Variants in AACS observed in about 807,000 individuals in gnomAD.
The protein encoded by AACS is acetoacetyl-CoA synthetase, also known as acetoacetate-CoA ligase.
AACS carries 69 observed loss-of-function variants against 83.1 expected under a neutral mutation model. That is an observed-to-expected ratio of 0.83 (90% CI 0.68 to 1.01). AACS has a LOEUF of 1.01. Among genes scored for constraint, AACS ranks in the 50% least tolerant of loss-of-function variants. The probability of loss-of-function intolerance (pLI) is 0.00; values close to 1 mark genes in which losing one functional copy is unlikely to be tolerated. For missense variants in AACS, 866 were observed against 882.2 expected (o/e 0.98, Z 0.23); for synonymous variants, 333 against 343.4 (o/e 0.97, Z 0.33).
chr12:125,082,073 C>T (rs1445392505), intron 3 of AACS, among the ~76,000 whole-genome samples: 2 of 151,714 alleles, frequency 1.3e-5, no homozygotes, highest in Non-Finnish European at 2.9e-5. Flanking sequence ...AGGGGTTCCA[C>T]CATTTTGGCC....
chr12:125,082,943 A>G (rs1214617366), intron 3 of AACS, among the ~76,000 whole-genome samples: 1 of 152,258 alleles, frequency 6.6e-6, no homozygotes, highest in Non-Finnish European at 1.5e-5. Context: ...TAACTTCTAT[A>G]CTGTAGAAAT....
At chr12:125,074,975 G>GTTTT (rs34831405) in intron 2 of AACS, among the ~76,000 whole-genome samples, 4 of 113,516 alleles carry the variant, frequency 3.5e-5, no homozygotes, top group Non-Finnish European at 1.8e-5. Context: ...CATTGTCATA[G>GTTTT]TTTTTTTTTT....
At chr12:125,071,720 T>C (rs1228140367) in intron 1 of AACS, among the ~76,000 whole-genome samples, 1 of 152,126 alleles carries the variant, frequency 6.6e-6, no homozygotes, top group Non-Finnish European at 1.5e-5. Flanking sequence ...CCACCTGAAG[T>C]CGGCCGCTTT....
intron 3 of AACS, among the ~76,000 whole-genome samples, chr12:125,078,746 G>A (rs567936923): frequency 4.7e-5 from 7 of 150,050 alleles, no homozygotes; most frequent in East Asian, 2.0e-4. Context: ...GCTTGAACCC[G>A]GGAGGTGGAG....
rs1158997655 is a variant in AACS, at chr12:125,129,940, C to A, written c.1549+480C>A. Among the ~76,000 whole-genome samples the A allele has an allele frequency of 6.6e-6, 1 of 151,876 alleles. No homozygotes were observed. Among genetic ancestry groups the A allele is most frequent in the South Asian group, 2.1e-4 (1 of 4,818 alleles). ...CGGTGGAAGCATTTACAACCCGACA[C>A]GTCACTCTCACATAGACTGACACCC... On this transcript the variant is annotated intron_variant, in intron 14 of 17. Coordinates refer to ENST00000316519, the MANE Select transcript of AACS (RefSeq NM_023928.5). The surrounding 1 kb of genome is among the most constrained non-coding windows in gnomAD (Gnocchi z 4.3).
intron 1 of AACS, among the ~76,000 whole-genome samples, chr12:125,066,450 ATTTTTTT>A (rs34299644): frequency 2.8e-5 from 3 of 106,922 alleles, no homozygotes; most frequent in African/African-American, 1.1e-4. Flanking sequence ...TTCCTAGGGG[ATTTTTTT>A]TTTTTTTTTT....
intron 17 of AACS, chr12:125,138,725 T>C (rs1304192677): frequency 1.3e-5 from 2 of 152,126 alleles, no homozygotes; most frequent in Non-Finnish European, 2.9e-5. Context: ...CCAGATAAGG[T>C]CTCCTCCTGG....
chr12:125,134,403 G>A (rs1957370900), intron 15 of AACS, among the ~76,000 whole-genome samples: 1 of 152,182 alleles, frequency 6.6e-6, no homozygotes, highest in South Asian at 2.1e-4. Flanking sequence ...CATTCCTGGG[G>A]TGGCGCATCC....
Position 125,134,449 on chromosome 12 carries a change from C to T in AACS, c.1620-345C>T, listed in dbSNP as rs369228579. Among the ~76,000 whole-genome samples, 60 of 152,134 alleles carry T rather than the reference C, an allele frequency of 3.9e-4. 1 individual carries two copies. Among genetic ancestry groups the T allele is most frequent in the African/African-American group, 1.3e-3 (53 of 41,422 alleles). On this transcript the variant is annotated intron_variant, in intron 15 of 17. Coordinates refer to ENST00000316519, the MANE Select transcript of AACS (RefSeq NM_023928.5). ...TTCCTTCCCGAGGGATGGGTCTGGG[C>T]GTGATCCAAGTCTCCCTGCCCTGTG... is the stretch of plus-strand genomic sequence containing the variant.
At position 125,134,779 on chromosome 12, in the gene AACS, C is replaced by A; in HGVS notation, c.1620-15C>A. 1.2e-6 allele frequency: 2 copies of A among 1,614,150 alleles called. No individual in the cohort carries two copies. The highest frequency in any genetic ancestry group is 1.7e-6 in the Non-Finnish European group (2 of 1,180,020). On this transcript the variant is annotated splice_polypyrimidine_tract_variant and intron_variant, in intron 15 of 17. Transcript: ENST00000316519. ...CAGAGCTGCGGTGTGGCCCTGACCT[C>A]TTCTCTCTTTCCAGTGACGGCACCC...
At chr12:125,072,798 ATGG>A (rs1215853449) in intron 1 of AACS, among the ~76,000 whole-genome samples, 2 of 151,460 alleles carry the variant, frequency 1.3e-5, no homozygotes, top group African/African-American at 4.8e-5. Flanking sequence ...TCATGTCTTG[ATGG>A]TGGGGAAAAG....
Position 125,142,340 on chromosome 12 carries a change from G to A in AACS, c.*111G>A. On this transcript the variant is annotated 3_prime_UTR_variant, in exon 18 of 18. Transcript: ENST00000316519. Reference sequence around the variant, plus strand: ...TGTTGTAAAAGGATGCTCGCACCAAGTGTTCTGTAGGCTTGGGGAGGGATC... The same window carrying A: ...TGTTGTAAAAGGATGCTCGCACCAAATGTTCTGTAGGCTTGGGGAGGGATC... The A allele has an allele frequency of 6.9e-7, 1 of 1,440,818 alleles. No homozygotes were observed. The highest frequency in any genetic ancestry group is 9.4e-7 in the Non-Finnish European group (1 of 1,066,422). The allele number at this position is 1,440,818 out of a possible 1,614,324, so 89.3% of individuals were successfully genotyped here. A position where few individuals can be genotyped will look rare whatever the true frequency, so the allele number is the denominator to read the frequency against.
intron 7 of AACS, 31 bp downstream of exon 7, chr12:125,103,112 G>C: frequency 6.3e-7 from 1 of 1,584,124 alleles, no homozygotes; most frequent in Admixed American, 1.8e-5. Context: ...CCACAGGTCC[G>C]TGTGGACCCA....
chr12:125,091,341 C>G, intron 4 of AACS, 85 bp from the exon 5 acceptor site: 2 of 1,381,918 alleles, frequency 1.4e-6, no homozygotes, highest in South Asian at 1.2e-5. Context: ...CCCACTCTGA[C>G]CTTGGCTCTC....
chr12:125,136,515 T>C, intron 16 of AACS, 147 bp from the exon 17 acceptor site: 2 of 629,180 alleles, frequency 3.2e-6, no homozygotes, highest in Non-Finnish European at 5.5e-6. Context: ...CCAAGGCCCT[T>C]CTCCTGGGTG....
At chr12:125,082,940 T>C (rs1956231485) in intron 3 of AACS, among the ~76,000 whole-genome samples, 1 of 152,252 alleles carries the variant, frequency 6.6e-6, no homozygotes, top group African/African-American at 2.4e-5. Flanking sequence ...GAGTAACTTC[T>C]ATACTGTAGA....
At chr12:125,081,759 G>T (rs1956192147) in intron 3 of AACS, among the ~76,000 whole-genome samples, 1 of 152,054 alleles carries the variant, frequency 6.6e-6, no homozygotes, top group Non-Finnish European at 1.5e-5. Context: ...ATTTTCACAT[G>T]ATGGAAAGTT....
chr12:125,104,827 A>C (rs955437744), intron 7 of AACS, among the ~76,000 whole-genome samples: 32 of 152,206 alleles, frequency 2.1e-4, no homozygotes, highest in Non-Finnish European at 3.8e-4. Context: ...GCTATAAAGA[A>C]ATACCTGAGA....
At chr12:125,119,030 A>G (rs550029073) in intron 10 of AACS, among the ~76,000 whole-genome samples, 2 of 152,228 alleles carry the variant, frequency 1.3e-5, no homozygotes, top group African/African-American at 2.4e-5. Context: ...GCAGTGTGCA[A>G]TCTCATTTCT....
Sources: gnomAD v4.1 joint callset for allele counts (sites outside exome capture counted in the v4.1 genomes callset) on GRCh38, gnomAD v4.1.1 for gene constraint, Gnocchi (gnomAD v3.1) non-coding constraint, MANE v1.5 for transcripts, NCBI Gene and HGNC (gene_info 2026-07-23, HGNC 2026-07-21) for gene names.